Variants in MEIOSIN observed in about 807,000 individuals in gnomAD.
MEIOSIN encodes meiosis initiator, also known as meiosis initiator protein.
Under a neutral mutation model 23.4 loss-of-function variants are expected in MEIOSIN, and 18 were observed. That is an observed-to-expected ratio of 0.77 (90% CI 0.53 to 1.14). The LOEUF (loss-of-function observed/expected upper bound fraction) is 1.14. MEIOSIN is among the 50% of genes most tolerant of loss of function. MEIOSIN has a pLI of 0.00. For missense variants in MEIOSIN, 428 were observed against 242.9 expected (o/e 1.76, Z -5.07); for synonymous variants, 187 against 100.6 (o/e 1.86, Z -5.14).
Position 45,761,803 on chromosome 19 carries a change from C to G in MEIOSIN, c.1370C>G (p.Ser457Cys). The G allele has an allele frequency of 1.4e-6, 1 of 698,012 alleles. No individual in the cohort carries two copies. Among genetic ancestry groups the G allele is most frequent in the Non-Finnish European group, 2.6e-6 (1 of 381,010 alleles). 43.2% of individuals were successfully genotyped at this position (698,012 alleles called of 1,614,324 possible). A position where few individuals can be genotyped will look rare whatever the true frequency, so the allele number is the denominator to read the frequency against. ...GNSKAPSSSSSSSSSSSSSED... is the reference protein window; with the variant it reads ...GNSKAPSSSSCSSSSSSSSED... ...AGCAAGGCGCCATCCAGCTCCAGCT[C>G]CAGCTCCAGCTCCAGCTCCAGCTCG... Residue 457 changes from serine to cysteine, a missense_variant, in exon 12 of 15, where the codon TCC (serine) becomes TGC (cysteine). Transcript: ENST00000457052.
intron 9 of MEIOSIN, among the ~76,000 whole-genome samples, chr19:45,758,180 G>C (rs1445776343): frequency 6.6e-6 from 1 of 151,892 alleles, no homozygotes; most frequent in Non-Finnish European, 1.5e-5. Context: ...TTTTAGTAGA[G>C]ACAGGGTTTC....
intron 10 of MEIOSIN, 82 bp downstream of exon 10, chr19:45,759,115 C>A (rs1041043176): frequency 5.8e-6 from 4 of 686,590 alleles, no homozygotes; most frequent in Non-Finnish European, 1.1e-5. Flanking sequence ...ATCCTGGGTG[C>A]CCGGGGTGAA....
At chr19:45,749,570 G>A (rs988781991) in intron 4 of MEIOSIN, among the ~76,000 whole-genome samples, 2 of 148,456 alleles carry the variant, frequency 1.3e-5, no homozygotes, top group African/African-American at 5.0e-5. Flanking sequence ...CCAGCTACTC[G>A]CTGAGGCAGG....
At chr19:45,737,175 C>CT (rs754481912) in intron 2 of MEIOSIN, among the ~76,000 whole-genome samples, 2,213 of 140,598 alleles carry the variant, frequency 0.016, 26 homozygotes, top group African/African-American at 0.037. Context: ...GGCTTCTTTC[C>CT]TTTTTTTTTT....
At chr19:45,741,867 A>G (rs1285371759) in intron 3 of MEIOSIN, among the ~76,000 whole-genome samples, 3 of 151,786 alleles carry the variant, frequency 2.0e-5, no homozygotes, top group Non-Finnish European at 4.4e-5. Flanking sequence ...TATTTTATTT[A>G]TTATTTATTT....
In MEIOSIN at chr19:45,754,501, G is replaced by A. The variant is rs1242325824; in HGVS notation, c.579G>A (p.Lys193=). 1.4e-6 allele frequency: 1 copy of A among 702,902 alleles called. No homozygotes were observed. Among genetic ancestry groups the A allele is most frequent in the Non-Finnish European group, 2.6e-6 (1 of 384,920 alleles). 43.5% of individuals were successfully genotyped at this position (702,902 alleles called of 1,614,324 possible). A position where few individuals can be genotyped will look rare whatever the true frequency, so the allele number is the denominator to read the frequency against. ...CAGAAAGCCAGACTCGGACCCCGAA[G>A]CCTCGCCGCTCTCTGGCCCTGAACA... The part of the protein sequence containing the change: ...QASESQTRTP[K]PRRSLALNKP... The change falls in exon 7 of 15, where the codon AAG becomes AAA. Residue 193 remains lysine, a synonymous_variant. Transcript: ENST00000457052.
chr19:45,754,551 C>T lies in MEIOSIN; in HGVS notation c.629C>T (p.Ser210Phe), dbSNP rs777109630. The T allele has an allele frequency of 1.7e-5, 12 of 702,960 alleles. No individual in the cohort carries two copies. Among genetic ancestry groups the T allele is most frequent in the Non-Finnish European group, 2.9e-5 (11 of 385,036 alleles). 43.5% of individuals were successfully genotyped at this position (702,960 alleles called of 1,614,324 possible). Residue 210 changes from serine to phenylalanine, a missense_variant, in exon 7 of 15, where the codon TCC (serine) becomes TTC (phenylalanine). By Grantham distance (155) the Ser-to-Phe change is radical. Transcript: ENST00000457052. ...AAGCCTGAGAAGCTGGTGGCCCCAT[C>T]CCCAGACCAGAAAGGAAGTGGCACA... ...LNKPEKLVAP[S>F]PDQKGSGTGG...
At position 45,745,238 on chromosome 19, in the gene MEIOSIN, A is replaced by G. The variant is rs1228172925; in HGVS notation, c.223A>G (p.Arg75Gly). 6.5e-5 allele frequency: 46 copies of G among 702,888 alleles called. No homozygotes were observed. In the East Asian group the frequency reaches 1.2e-3, roughly 18 times the overall value. 43.5% of individuals were successfully genotyped at this position (702,888 alleles called of 1,614,324 possible). Reference protein sequence around the residue: ...NKLLSPNKKQRKNHTSKLQEL... With the variant: ...NKLLSPNKKQGKNHTSKLQEL... The stretch of plus-strand genomic sequence containing the variant: ...GCTCCTGTCCCCAAACAAGAAGCAG[A>G]GGAAAAACCACACTAGCAAGCTGCA... The change falls in exon 4 of 15, where the codon AGG becomes GGG. Residue 75 changes from arginine to glycine, a missense_variant. Arg to Gly is a moderately radical substitution (Grantham distance 125). Transcript: ENST00000457052.
At chr19:45,748,881 C>T (rs984925061) in intron 4 of MEIOSIN, among the ~76,000 whole-genome samples, 3 of 151,334 alleles carry the variant, frequency 2.0e-5, no homozygotes, top group African/African-American at 7.3e-5. Flanking sequence ...CCAACCTGGC[C>T]AACATGGTGA....
chr19:45,757,005 G>A (rs556980818), intron 8 of MEIOSIN, among the ~76,000 whole-genome samples, 172 bp from the exon 9 acceptor site: 1 of 152,116 alleles, frequency 6.6e-6, no homozygotes, highest in East Asian at 1.9e-4. Context: ...CACTGCTTAC[G>A]GGCTGGGCTA....
chr19:45,745,847 C>T (rs1249853158), intron 4 of MEIOSIN, among the ~76,000 whole-genome samples: 1 of 152,198 alleles, frequency 6.6e-6, no homozygotes, highest in Non-Finnish European at 1.5e-5. Context: ...GCTGGGATTA[C>T]AGGCGTTAGC....
chr19:45,755,177 T>C (rs1477568347), intron 7 of MEIOSIN, among the ~76,000 whole-genome samples: 2 of 147,888 alleles, frequency 1.4e-5, no homozygotes, highest in Non-Finnish European at 3.0e-5. Context: ...TGAGATGGAG[T>C]CTTGCTCTGT....
At chr19:45,736,839 G>C (rs1968416007) in intron 2 of MEIOSIN, among the ~76,000 whole-genome samples, 1 of 151,286 alleles carries the variant, frequency 6.6e-6, no homozygotes, top group South Asian at 2.1e-4. Flanking sequence ...CCAAAGTGCT[G>C]GGATTACAGG....
At position 45,750,668 on chromosome 19, in the gene MEIOSIN, G is replaced by T; in HGVS notation, c.307-7G>T. On this transcript the variant is annotated splice_region_variant and splice_polypyrimidine_tract_variant and intron_variant, in intron 4 of 14. Coordinates refer to ENST00000457052, the MANE Select transcript of MEIOSIN (RefSeq NM_001310124.2). ...GCCTGGCCAACCCTGTCTTTCTTTT[G>T]AGGCAGAAGGAGATTCTGGTGCATG... The T allele has an allele frequency of 1.8e-6, 1 of 550,694 alleles. No homozygotes were observed. Among genetic ancestry groups the T allele is most frequent in the South Asian group, 2.4e-5 (1 of 42,080 alleles). The allele number at this position is 550,694 out of a possible 1,614,324, so 34.1% of individuals were successfully genotyped here.
At chr19:45,754,089 G>T (rs1333926208) in intron 6 of MEIOSIN, among the ~76,000 whole-genome samples, 1 of 152,126 alleles carries the variant, frequency 6.6e-6, no homozygotes, top group Non-Finnish European at 1.5e-5. Flanking sequence ...CGATTCTCCT[G>T]CCTCAGCCTC....
At chr19:45,750,634 C>T in intron 4 of MEIOSIN, 41 bp from the exon 5 acceptor site, 1 of 499,050 alleles carries the variant, frequency 2.0e-6, no homozygotes, top group South Asian at 2.9e-5. Context: ...GCTGTGATTA[C>T]AGGCGTGAGC....
chr19:45,752,073 G>A (rs1229401920), intron 5 of MEIOSIN, among the ~76,000 whole-genome samples: 1 of 118,344 alleles, frequency 8.4e-6, no homozygotes, highest in Non-Finnish European at 1.6e-5. Context: ...GTCTCACTCT[G>A]TCACCCAGGC....
chr19:45,757,190 T>G lies in MEIOSIN; in HGVS notation c.925T>G (p.Phe309Val). 1.4e-6 allele frequency: 1 copy of G among 702,878 alleles called. No homozygotes were observed. The highest frequency in any genetic ancestry group is 2.6e-6 in the Non-Finnish European group (1 of 384,928). The allele number at this position is 702,878 out of a possible 1,614,324, so 43.5% of individuals were successfully genotyped here. ...CACCTCTTGCAGGCAGAAGCTGGTG[T>G]TCTATGATTCCAGCGAGGATGTGGA... ...TQPHPRQKLV[F>V]YDSSEDVDKG... The change falls in exon 9 of 15, where the codon TTC becomes GTC. Residue 309 changes from phenylalanine to valine, a missense_variant. Physicochemically the swap from Phe to Val is conservative, Grantham distance 50. Coordinates refer to ENST00000457052, the MANE Select transcript of MEIOSIN (RefSeq NM_001310124.2).
intron 5 of MEIOSIN, 32 bp from the exon 6 acceptor site, chr19:45,753,619 G>T: frequency 1.4e-6 from 1 of 689,772 alleles, no homozygotes; most frequent in Non-Finnish European, 2.6e-6. Flanking sequence ...TGGGGTGGGG[G>T]ATCTGAGCTG....
Sources: allele counts gnomAD v4.1 joint callset (sites outside exome capture counted in the v4.1 genomes callset), GRCh38; gene constraint gnomAD v4.1.1; transcripts MANE v1.5; gene names NCBI Gene and HGNC (gene_info 2026-07-23, HGNC 2026-07-21).